Variants in ZRANB3 observed in about 807,000 individuals in gnomAD.
ZRANB3 encodes zinc finger RANBP2-type containing 3.
Under a neutral mutation model 133.8 loss-of-function variants are expected in ZRANB3, and 125 were observed. The observed-to-expected ratio is 0.93, with a 90% confidence interval of 0.81 to 1.08. The LOEUF is 1.08. Ranked by LOEUF, ZRANB3 falls within the 50% of genes least tolerant of loss-of-function variation. ZRANB3 has a pLI of 0.00. For missense variants in ZRANB3, 1,229 were observed against 1,275.5 expected, an observed-to-expected ratio of 0.96 and a Z score of 0.56; for synonymous variants, 387 against 432.7, an observed-to-expected ratio of 0.89 and a Z score of 1.31.
intron 2 of ZRANB3, among the ~76,000 whole-genome samples, chr2:135,473,722 T>A (rs927237351): frequency 6.6e-6 from 1 of 152,220 alleles, no homozygotes; most frequent in Non-Finnish European, 1.5e-5. Context: ...AAGGTCATTG[T>A]CAAAGATTTC....
At chr2:135,214,919 A>T (rs1694243541) in intron 17 of ZRANB3, among the ~76,000 whole-genome samples, 1 of 152,154 alleles carries the variant, frequency 6.6e-6, no homozygotes, top group Admixed American at 6.5e-5. Context: ...AACATTTTAC[A>T]TTTATTTATT....
At chr2:135,432,552 T>C (rs1689367191) in intron 2 of ZRANB3, among the ~76,000 whole-genome samples, 1 of 152,282 alleles carries the variant, frequency 6.6e-6, no homozygotes, top group South Asian at 2.1e-4. Flanking sequence ...GTAAACTTTA[T>C]GGTTTTAAGA....
intron 3 of ZRANB3, among the ~76,000 whole-genome samples, chr2:135,370,763 T>C (rs974759866): frequency 1.3e-5 from 2 of 152,210 alleles, no homozygotes; most frequent in Admixed American, 6.5e-5. Flanking sequence ...TGATGTGATT[T>C]GGCTCTGTGT....
chr2:135,325,165 A>G (rs1399518715), intron 6 of ZRANB3, among the ~76,000 whole-genome samples: 1 of 152,210 alleles, frequency 6.6e-6, no homozygotes, highest in Admixed American at 6.5e-5. Flanking sequence ...AATTTACATA[A>G]AAATGCAAGT....
intron 8 of ZRANB3, among the ~76,000 whole-genome samples, chr2:135,295,730 C>T (rs2104801202): frequency 6.6e-6 from 1 of 152,172 alleles, no homozygotes; most frequent in African/African-American, 2.4e-5. Flanking sequence ...TTTTCCTTTC[C>T]ATGTTTAGTG....
In ZRANB3 at chr2:135,202,983, T is replaced by A. The variant is rs16831434; in HGVS notation, c.3010-20A>T. 40,991 of 1,606,930 alleles carry A rather than the reference T, an allele frequency of 0.026. 1,479 individuals are homozygous for A. Among genetic ancestry groups the A allele is most frequent in the African/African-American group, 0.16 (12,070 of 74,884 alleles). On this transcript the variant is annotated intron_variant, in intron 19 of 20. Coordinates refer to ENST00000264159, the MANE Select transcript of ZRANB3 (RefSeq NM_032143.4). ...ATTTAGCTGCAATAAGAATACAAGA[T>A]CAGCAATTTTCAACATATACTGCAA...
At chr2:135,248,482 C>T (rs1695900507) in intron 12 of ZRANB3, among the ~76,000 whole-genome samples, 1 of 152,224 alleles carries the variant, frequency 6.6e-6, no homozygotes, top group Admixed American at 6.5e-5. Context: ...AAACTATCAA[C>T]AGGGTAAACA....
chr2:135,506,101 C>T (rs1273413446), intron 1 of ZRANB3, among the ~76,000 whole-genome samples: 2 of 152,084 alleles, frequency 1.3e-5, no homozygotes. Flanking sequence ...AGAAAGAAGG[C>T]TAAGGTGGAC....
chr2:135,316,260 C>T (rs890594280), intron 6 of ZRANB3, among the ~76,000 whole-genome samples: 3 of 152,110 alleles, frequency 2.0e-5, no homozygotes, highest in African/African-American at 7.2e-5. Flanking sequence ...ATTCTCTAGA[C>T]CTTTCAGAAA....
chr2:135,239,182 C>A (rs1296626002), intron 12 of ZRANB3, among the ~76,000 whole-genome samples: 1 of 151,816 alleles, frequency 6.6e-6, no homozygotes, highest in Non-Finnish European at 1.5e-5. Flanking sequence ...CTTAGTGGTA[C>A]TATATAAGAA....
chr2:135,408,819 C>G (rs1398909590), intron 2 of ZRANB3, among the ~76,000 whole-genome samples: 1 of 147,250 alleles, frequency 6.8e-6, no homozygotes, highest in African/African-American at 2.5e-5. Context: ...ACACTGGGGC[C>G]TGTTGTGGGG....
intron 2 of ZRANB3, among the ~76,000 whole-genome samples, chr2:135,414,744 A>C (rs1303504260): frequency 1.2e-4 from 18 of 152,192 alleles, no homozygotes; most frequent in Non-Finnish European, 2.9e-5. Flanking sequence ...CAGAAATTAT[A>C]ACAAACTCTC....
intron 2 of ZRANB3, among the ~76,000 whole-genome samples, chr2:135,415,226 A>G (rs1688507454): frequency 1.3e-5 from 2 of 151,748 alleles, no homozygotes; most frequent in African/African-American, 4.8e-5. Flanking sequence ...TAATAAAGAA[A>G]AAAAGAGAGA....
At chr2:135,486,069 T>C (rs1692103262) in intron 2 of ZRANB3, among the ~76,000 whole-genome samples, 1 of 152,188 alleles carries the variant, frequency 6.6e-6, no homozygotes, top group Non-Finnish European at 1.5e-5. Context: ...TGATGGCTGC[T>C]GACTAATCAA....
chr2:135,244,578 A>T (rs936705875), intron 12 of ZRANB3, among the ~76,000 whole-genome samples: 58 of 152,116 alleles, frequency 3.8e-4, no homozygotes, highest in Admixed American at 6.6e-4. Flanking sequence ...ATTGCACTCC[A>T]GCCTGGGTGA....
chr2:135,240,254 G>T (rs1446776222), intron 12 of ZRANB3, among the ~76,000 whole-genome samples: 4 of 152,168 alleles, frequency 2.6e-5, no homozygotes, highest in Non-Finnish European at 5.9e-5. Context: ...GAGGAAGGAG[G>T]ATTGCTTGAG....
At chr2:135,349,885 T>C (rs1685119228) in intron 5 of ZRANB3, 99 bp downstream of exon 5, 1 of 875,474 alleles carries the variant, frequency 1.1e-6, no homozygotes, top group East Asian at 2.5e-5. Flanking sequence ...ATTTAAGGCA[T>C]CTAATTTGAA....
chr2:135,280,871 A>T (rs1017135432), intron 8 of ZRANB3, among the ~76,000 whole-genome samples: 3 of 152,222 alleles, frequency 2.0e-5, no homozygotes, highest in African/African-American at 7.2e-5. Context: ...CTTGGCCTTC[A>T]GTGTCCATCC....
chr2:135,338,795 T>A (rs1245508855), intron 6 of ZRANB3, among the ~76,000 whole-genome samples: 1 of 152,226 alleles, frequency 6.6e-6, no homozygotes, highest in African/African-American at 2.4e-5. Flanking sequence ...CATGTGCATA[T>A]GTGTGTATGT....
Sources: gnomAD v4.1 joint callset for allele counts (sites outside exome capture counted in the v4.1 genomes callset) on GRCh38, gnomAD v4.1.1 for gene constraint, MANE v1.5 for transcripts, NCBI Gene and HGNC (gene_info 2026-07-23, HGNC 2026-07-21) for gene names.